RRP15: variants seen among roughly 807,000 people sequenced by gnomAD.
RRP15 encodes RRP15-like protein.
RRP15 carries 18 observed loss-of-function variants against 27.1 expected under a neutral mutation model. That is an observed-to-expected ratio of 0.66 (90% confidence interval 0.46 to 0.98). The LOEUF (loss-of-function observed/expected upper bound fraction) is 0.98, where lower values mean the gene tolerates loss of function less well. Ranked by LOEUF, RRP15 falls within the 50% of genes least tolerant of loss-of-function variation. The pLI is 0.00. For missense variants in RRP15, 359 were observed against 337.8 expected (o/e 1.06, Z -0.49); for synonymous variants, 107 against 109.4 (o/e 0.98, Z 0.14).
chr1:218,328,095 C>A (rs1394202051), intron 4 of RRP15, among the ~76,000 whole-genome samples: 1 of 152,214 alleles, frequency 6.6e-6, no homozygotes, highest in Admixed American at 6.5e-5. Context: ...AAAGATCACA[C>A]TTTAAGAATC....
At position 218,285,440 on chromosome 1, in the gene RRP15, A is replaced by G. The variant is rs1655529655; in HGVS notation, c.124A>G (p.Thr42Ala). The part of the protein sequence containing the change: ...ASVLEDEATD[T>A]SDSEGSCGSE... ...GGTGCTGGAAGACGAGGCCACAGAC[A>G]CTTCTGATAGTGAAGGTAATGTGGT... The change falls in exon 1 of 5, where the codon ACT becomes GCT. Residue 42 changes from threonine to alanine, a missense_variant. Coordinates refer to ENST00000366932, the MANE Select transcript of RRP15 (RefSeq NM_016052.4). 1.9e-6 allele frequency: 3 copies of G among 1,614,166 alleles called. No individual in the cohort carries two copies. The highest frequency in any genetic ancestry group is 1.7e-6 in the Non-Finnish European group (2 of 1,180,016).
intron 1 of RRP15, among the ~76,000 whole-genome samples, chr1:218,286,913 G>T (rs997928153): frequency 3.5e-5 from 5 of 142,762 alleles, no homozygotes; most frequent in African/African-American, 1.5e-4. Context: ...TACTATATTT[G>T]CTATATTTGG....
intron 1 of RRP15, among the ~76,000 whole-genome samples, chr1:218,286,797 G>A (rs1353313171): frequency 6.6e-6 from 1 of 152,152 alleles, no homozygotes; most frequent in Admixed American, 6.5e-5. Flanking sequence ...CTGCCACATT[G>A]TTAAGGAAAA....
intron 4 of RRP15, among the ~76,000 whole-genome samples, chr1:218,309,936 G>T (rs1156612553): frequency 1.3e-5 from 2 of 151,982 alleles, no homozygotes; most frequent in East Asian, 3.9e-4. Context: ...TCAGAGTAAC[G>T]GTGTACTATT....
chr1:218,327,910 ATGTT>A (rs1204055830), intron 4 of RRP15, among the ~76,000 whole-genome samples: 1 of 152,238 alleles, frequency 6.6e-6, no homozygotes, highest in Non-Finnish European at 1.5e-5. Flanking sequence ...CTAAGAAAAA[ATGTT>A]TGTTTATGTA....
At chr1:218,302,097 G>A in intron 1 of RRP15, 197 bp from the exon 2 acceptor site, 1 of 519,646 alleles carries the variant, frequency 1.9e-6, no homozygotes, top group Non-Finnish European at 3.4e-6. Flanking sequence ...ATGTGGCTGG[G>A]CGAGGTCTCT....
chr1:218,329,545 G>C (rs966361230), intron 4 of RRP15, among the ~76,000 whole-genome samples: 2 of 152,190 alleles, frequency 1.3e-5, no homozygotes, highest in African/African-American at 4.8e-5. Flanking sequence ...CTACGTTATT[G>C]TTCTCCTATC....
intron 4 of RRP15, among the ~76,000 whole-genome samples, chr1:218,310,301 T>C (rs1037295646): frequency 3.3e-5 from 5 of 152,194 alleles, no homozygotes; most frequent in Non-Finnish European, 7.3e-5. Context: ...ATTCCTAATA[T>C]TGTGAAGTCT....
In RRP15 at chr1:218,302,495, A is replaced by T; in HGVS notation, c.341A>T (p.Lys114Ile). 1 of 1,613,962 alleles carries T rather than the reference A, an allele frequency of 6.2e-7. No homozygotes were observed. Among genetic ancestry groups the T allele is most frequent in the Non-Finnish European group, 8.5e-7 (1 of 1,179,974 alleles). The change falls in exon 2 of 5, where the codon AAA becomes ATA. Residue 114 changes from lysine (K) to isoleucine (I), a missense_variant. Physicochemically the swap from Lys to Ile is moderately radical, Grantham distance 102. Transcript: ENST00000366932. ...GAAAGTAAACCTACTATTCTGGTCA[A>T]AAATAAGAAGCTGGAAAAGGAAAAA... ...TPESKPTILV[K>I]NKKLEKEKEK...
At chr1:218,290,860 G>A (rs1655627039) in intron 1 of RRP15, among the ~76,000 whole-genome samples, 2 of 152,144 alleles carry the variant, frequency 1.3e-5, no homozygotes, top group African/African-American at 4.8e-5. Context: ...CACATGCGGG[G>A]GGCATACATC....
chr1:218,330,908 A>T, intron 4 of RRP15, 40 bp from the exon 5 acceptor site: 2 of 1,583,972 alleles, frequency 1.3e-6, no homozygotes, highest in Non-Finnish European at 1.7e-6. Flanking sequence ...CTTATGATGG[A>T]ATTGACTTTT....
At chr1:218,306,247 A>G (rs185385117) in intron 3 of RRP15, among the ~76,000 whole-genome samples, 165 of 152,328 alleles carry the variant, frequency 1.1e-3, no homozygotes, top group African/African-American at 3.8e-3. Context: ...ATTCATGGCA[A>G]AAACAGTAGC....
chr1:218,305,994 C>A (rs1357968589), intron 3 of RRP15, among the ~76,000 whole-genome samples: 1 of 151,992 alleles, frequency 6.6e-6, no homozygotes, highest in African/African-American at 2.4e-5. Context: ...TATAGGGTTT[C>A]TTTGATAATT....
chr1:218,287,020 C>T (rs1006788399), intron 1 of RRP15, among the ~76,000 whole-genome samples: 15 of 152,050 alleles, frequency 9.9e-5, no homozygotes, highest in Non-Finnish European at 1.9e-4. Flanking sequence ...GTGGCACAAA[C>T]AGGGCTCACT....
intron 4 of RRP15, among the ~76,000 whole-genome samples, chr1:218,311,627 G>A (rs1025833176): frequency 6.6e-5 from 10 of 152,250 alleles, no homozygotes; most frequent in South Asian, 6.2e-4. Context: ...TTGCAACATT[G>A]CTTTATCCCC....
rs1463891431 is a variant in RRP15 at position 218,293,691 on chromosome 1, C to A, written c.139+8236C>A. Among the ~76,000 whole-genome samples the A allele has an allele frequency of 2.6e-5, 4 of 152,260 alleles. No homozygotes were observed. In the South Asian group the frequency reaches 8.3e-4, roughly 32 times the overall value. On this transcript the variant is annotated intron_variant, in intron 1 of 4. Coordinates refer to ENST00000366932, the MANE Select transcript of RRP15 (RefSeq NM_016052.4). ...AATTTTATTTTTCTGGCTTTAATTT[C>A]TTTTCACATATTGTATAAGAAAAGT...
intron 1 of RRP15, 112 bp downstream of exon 1, chr1:218,285,567 A>G (rs1340968919): frequency 3.5e-6 from 5 of 1,436,844 alleles, no homozygotes; most frequent in Non-Finnish European, 4.8e-6. Flanking sequence ...TTATCTTGGC[A>G]CCACTTCAGA....
intron 4 of RRP15, among the ~76,000 whole-genome samples, chr1:218,328,106 A>ATTTT (rs1656303181): frequency 4.6e-5 from 7 of 152,366 alleles, no homozygotes; most frequent in African/African-American, 1.7e-4. Context: ...TTTAAGAATC[A>ATTTT]CTGATACAGA....
At chr1:218,303,474 T>C (rs967922333) in intron 2 of RRP15, among the ~76,000 whole-genome samples, 1 of 152,250 alleles carries the variant, frequency 6.6e-6, no homozygotes, top group Admixed American at 6.5e-5. Context: ...GCATACTCTA[T>C]TATTAATTCA....
Sources: allele counts gnomAD v4.1 joint callset (sites outside exome capture counted in the v4.1 genomes callset), GRCh38; gene constraint gnomAD v4.1.1; transcripts MANE v1.5; gene names NCBI Gene and HGNC (gene_info 2026-07-23, HGNC 2026-07-21).